The following IGFL4 variants were observed in gnomAD, a reference collection of about 807,000 sequenced individuals.
IGFL4 encodes the protein IGF like family member 4.
IGFL4 carries 12 observed loss-of-function variants against 15.4 expected under a neutral mutation model. The observed-to-expected ratio is 0.78, with a 90% confidence interval of 0.50 to 1.26. IGFL4 has a LOEUF of 1.26. Among genes scored for constraint, IGFL4 ranks in the 50% most tolerant of loss-of-function variants. IGFL4 has a pLI of 0.00. For missense variants in IGFL4, 126 were observed against 147.8 expected, an observed-to-expected ratio of 0.85 and a Z score of 0.76; for synonymous variants, 54 against 55.9, an observed-to-expected ratio of 0.97 and a Z score of 0.16.
intron 2 of IGFL4, among the ~76,000 whole-genome samples, chr19:46,054,904 G>A (rs1444147528): frequency 6.6e-6 from 1 of 152,176 alleles, no homozygotes; most frequent in African/African-American, 2.4e-5. Flanking sequence ...AATCAGCCCT[G>A]GAGCTATTGC....
At chr19:46,046,846 G>A (rs182209816) in intron 2 of IGFL4, among the ~76,000 whole-genome samples, 61 of 152,112 alleles carry the variant, frequency 4.0e-4, no homozygotes, top group Non-Finnish European at 8.2e-4. Flanking sequence ...TTAGATCATC[G>A]AGACAGAAAA....
intron 2 of IGFL4, among the ~76,000 whole-genome samples, chr19:46,054,004 A>G (rs2146518085): frequency 6.6e-6 from 1 of 152,200 alleles, no homozygotes; most frequent in East Asian, 1.9e-4. Flanking sequence ...AGTTTTTTGT[A>G]TATTCTGGAT....
chr19:46,041,078 A>G, upstream of IGFL4: 1 of 959,716 alleles, frequency 1.0e-6, no homozygotes, highest in Non-Finnish European at 1.5e-6. Flanking sequence ...GTGCAGAAGG[A>G]GTGGTTTCTT....
intron 2 of IGFL4, among the ~76,000 whole-genome samples, chr19:46,050,249 TAAAAC>T (rs1056574436): frequency 6.6e-6 from 1 of 152,062 alleles, no homozygotes; most frequent in African/African-American, 2.4e-5. Flanking sequence ...GTAAATATGA[TAAAAC>T]AAACCTCTTT....
At chr19:46,072,182 A>G (rs975494086) in intron 1 of IGFL4, among the ~76,000 whole-genome samples, 3 of 152,246 alleles carry the variant, frequency 2.0e-5, no homozygotes, top group African/African-American at 4.8e-5. Context: ...TAAAATATCA[A>G]TCTCTGAAAG....
intron 1 of IGFL4, among the ~76,000 whole-genome samples, chr19:46,076,113 G>C (rs1397161111): frequency 6.6e-6 from 1 of 152,194 alleles, no homozygotes; most frequent in African/African-American, 2.4e-5. Flanking sequence ...TCACATGGCA[G>C]AAAGGGGAAA....
upstream of IGFL4, among the ~76,000 whole-genome samples, chr19:46,042,176 G>A (rs942888958): frequency 3.3e-5 from 5 of 151,306 alleles, no homozygotes; most frequent in African/African-American, 4.9e-5. Flanking sequence ...CCAAGTCTTC[G>A]GTATTGATTT....
chr19:46,040,892 G>C lies in IGFL4; in HGVS notation c.19+52C>G. The C allele has an allele frequency of 6.7e-7, 1 of 1,496,322 alleles. No homozygotes were observed. Among genetic ancestry groups the C allele is most frequent in the Non-Finnish European group, 9.2e-7 (1 of 1,090,778 alleles). 92.7% of individuals were successfully genotyped at this position (1,496,322 alleles called of 1,614,324 possible). ...TAACTTTGAAGTTCAGAAATAATTA[G>C]GGATGTGATATCATTAGGGATTAGC... On this transcript the variant is annotated intron_variant, in intron 1 of 3. Transcript: ENST00000377697. This position sits in a 1 kb window ranked among gnomAD's most constrained non-coding sequence, Gnocchi z 4.1.
In IGFL4 at chr19:46,052,267, TAAAA is replaced by T. The variant is rs746070736; in HGVS notation, c.-323+7914_-323+7917del. On this transcript the variant is annotated intron_variant, in intron 2 of 5. Coordinates refer to the IGFL4 transcript ENST00000601672. ...CAGGTATAATAGATCTCAATAAATTTAAAAAAATCAAAATTATATCAAATACTCT... is the reference window on the plus strand; with the variant it reads ...CAGGTATAATAGATCTCAATAAATTTAAATCAAAATTATATCAAATACTCT... Among the ~76,000 whole-genome samples, 11 of 152,058 alleles carry T rather than the reference TAAAA, an allele frequency of 7.2e-5. No individual in the cohort carries two copies. The East Asian group carries it at 1.2e-3, about 16-fold the overall frequency.
chr19:46,053,756 C>T (rs369589420), intron 2 of IGFL4, among the ~76,000 whole-genome samples: 15 of 152,194 alleles, frequency 9.9e-5, no homozygotes, highest in East Asian at 9.7e-4. Context: ...TGTAAGAGTT[C>T]CCTTTTCTCT....
At chr19:46,069,604 G>A (rs1379664565) in intron 1 of IGFL4, among the ~76,000 whole-genome samples, 2 of 151,996 alleles carry the variant, frequency 1.3e-5, no homozygotes, top group African/African-American at 4.8e-5. Context: ...AGCCCTAAAA[G>A]CCCACAGATC....
chr19:46,061,434 TACAC>T (rs1969444110), intron 1 of IGFL4, among the ~76,000 whole-genome samples: 1 of 152,174 alleles, frequency 6.6e-6, no homozygotes. Context: ...CACATGTAAA[TACAC>T]AGACAGACAG....
At chr19:46,071,389 T>C (rs560541399) in intron 1 of IGFL4, among the ~76,000 whole-genome samples, 1 of 152,208 alleles carries the variant, frequency 6.6e-6, no homozygotes, top group African/African-American at 2.4e-5. Context: ...ACTCCTCTTA[T>C]ATCACTAGTA....
chr19:46,039,674 C>G lies in IGFL4; in HGVS notation c.*218G>C. The G allele has an allele frequency of 2.3e-6, 1 of 442,018 alleles. No individual in the cohort carries two copies. Among genetic ancestry groups the G allele is most frequent in the Non-Finnish European group, 4.2e-6 (1 of 235,752 alleles). 27.4% of individuals were successfully genotyped at this position (442,018 alleles called of 1,614,324 possible). On this transcript the variant is annotated 3_prime_UTR_variant, in exon 4 of 4. Transcript: ENST00000377697. Reference sequence around the variant, plus strand: ...AAGCAATTGTGAATGGGAGTTCACTCATGATTTGGCTCTCTGTTTGTCTGT... The same window carrying G: ...AAGCAATTGTGAATGGGAGTTCACTGATGATTTGGCTCTCTGTTTGTCTGT...
intron 2 of IGFL4, among the ~76,000 whole-genome samples, chr19:46,049,686 C>G (rs1310211181): frequency 1.3e-5 from 2 of 152,140 alleles, no homozygotes; most frequent in African/African-American, 4.8e-5. Flanking sequence ...TCTATCGGCC[C>G]TGGGAGCAGA....
chr19:46,076,058 T>C (rs1969592523), intron 1 of IGFL4, among the ~76,000 whole-genome samples: 1 of 152,196 alleles, frequency 6.6e-6, no homozygotes, highest in Admixed American at 6.5e-5. Context: ...CAGTGTTTGG[T>C]GAGGGCTGCT....
intron 2 of IGFL4, among the ~76,000 whole-genome samples, chr19:46,048,386 TC>T (rs1279784585): frequency 6.6e-6 from 1 of 152,094 alleles, no homozygotes; most frequent in Non-Finnish European, 1.5e-5. Flanking sequence ...CTCTCACCAC[TC>T]CTATTCAACA....
chr19:46,077,304 G>T (rs943150351), upstream of IGFL4, among the ~76,000 whole-genome samples: 2 of 152,296 alleles, frequency 1.3e-5, no homozygotes, highest in African/African-American at 4.8e-5. The surrounding 1 kb of genome is among the most constrained non-coding windows in gnomAD (Gnocchi z 5.4). Context: ...GCGCTATGGG[G>T]GTGCACGCTG....
At chr19:46,047,547 A>G (rs1969308263) in intron 2 of IGFL4, among the ~76,000 whole-genome samples, 1 of 152,206 alleles carries the variant, frequency 6.6e-6, no homozygotes, top group Non-Finnish European at 1.5e-5. Flanking sequence ...AGAAGAAAAG[A>G]GAGAATAATC....
Sources: allele counts gnomAD v4.1 joint callset (sites outside exome capture counted in the v4.1 genomes callset), GRCh38; gene constraint gnomAD v4.1.1; non-coding constraint Gnocchi (gnomAD v3.1); transcripts MANE v1.5; gene names NCBI Gene and HGNC (gene_info 2026-07-23, HGNC 2026-07-21).